OR51B5: variants seen among roughly 807,000 people sequenced by gnomAD.
OR51B5 encodes the protein olfactory receptor 51B5.
For missense variants in OR51B5, 456 were observed against 374.6 expected, an observed-to-expected ratio of 1.22 and a Z score of -1.79; for synonymous variants, 186 against 144.8, an observed-to-expected ratio of 1.28 and a Z score of -2.04.
intron 1 of OR51B5, chr11:5,505,406 C>T (rs936150180): frequency 6.1e-6 from 8 of 1,304,084 alleles, no homozygotes; most frequent in Non-Finnish European, 8.1e-6. Context: ...TCCCCTAGCA[C>T]CACCATAAAC....
At chr11:5,398,141 T>C (rs1294086151) in intron 1 of OR51B5, among the ~76,000 whole-genome samples, 1 of 152,162 alleles carries the variant, frequency 6.6e-6, no homozygotes, top group Non-Finnish European at 1.5e-5. Flanking sequence ...ACATGGCACA[T>C]GTATACATAT....
intron 1 of OR51B5, among the ~76,000 whole-genome samples, chr11:5,436,183 G>A (rs1163824856): frequency 6.6e-6 from 1 of 152,166 alleles, no homozygotes; most frequent in Non-Finnish European, 1.5e-5. Context: ...TTTGACCAGA[G>A]GAGACTGCAG....
At chr11:5,425,885 T>C (rs889036723) in intron 1 of OR51B5, among the ~76,000 whole-genome samples, 9 of 152,096 alleles carry the variant, frequency 5.9e-5, no homozygotes, top group African/African-American at 2.2e-4. Flanking sequence ...AGGGACAAAT[T>C]TTCAACCAAA....
rs1348815748 is a variant in OR51B5 at position 5,416,942 on chromosome 11, G to C, written n.85-70032C>G. On this transcript the variant is annotated intron_variant and non_coding_transcript_variant, in intron 1 of 4. Coordinates refer to the OR51B5 transcript ENST00000415970. The stretch of plus-strand genomic sequence containing the variant: ...GAAAAAACTACTTTAAAGTTCATAT[G>C]GAACCAAAAAAGAGCCCGCATCGCC... Among the ~76,000 whole-genome samples the C allele has an allele frequency of 1.9e-4, 28 of 149,134 alleles. No homozygotes were observed. In the Admixed American group the frequency reaches 1.9e-3, roughly 10 times the overall value.
chr11:5,468,838 A>G (rs1851178806), intron 1 of OR51B5: 1 of 442,650 alleles, frequency 2.3e-6, no homozygotes, highest in Admixed American at 2.4e-5. Flanking sequence ...TGTTGATGGT[A>G]GTGTCTCCAC....
At chr11:5,432,268 A>G (rs1210160069) in intron 1 of OR51B5, among the ~76,000 whole-genome samples, 1 of 152,184 alleles carries the variant, frequency 6.6e-6, no homozygotes, top group Non-Finnish European at 1.5e-5. Context: ...AGGAACATGC[A>G]ATATTTCAGA....
At chr11:5,441,862 A>G (rs558407682) in intron 1 of OR51B5, among the ~76,000 whole-genome samples, 1 of 152,328 alleles carries the variant, frequency 6.6e-6, no homozygotes, top group Admixed American at 6.5e-5. Flanking sequence ...TCTTTGGTAG[A>G]TAGCATAGAT....
chr11:5,503,980 C>G lies in OR51B5; in HGVS notation n.84+1589G>C, dbSNP rs1846334924. Among the ~76,000 whole-genome samples, 3 of 151,762 alleles carry G rather than the reference C, an allele frequency of 2.0e-5. 1 individual carries two copies. In the South Asian group the frequency reaches 6.2e-4, roughly 31 times the overall value. ...CCCCTCTTCATTTGCCTCAGCTGCCCTCATCCATAAACTAGGGATACTACT... is the reference window on the plus strand; with the variant it reads ...CCCCTCTTCATTTGCCTCAGCTGCCGTCATCCATAAACTAGGGATACTACT... On this transcript the variant is annotated intron_variant and non_coding_transcript_variant, in intron 1 of 4. Transcript: ENST00000415970.
chr11:5,369,259 A>G (rs1849416782), intron 1 of OR51B5, among the ~76,000 whole-genome samples: 1 of 152,126 alleles, frequency 6.6e-6, no homozygotes, highest in South Asian at 2.1e-4. Context: ...ATAGAAGAAG[A>G]TATGTATGCC....
intron 1 of OR51B5, among the ~76,000 whole-genome samples, chr11:5,497,062 A>G (rs71459876): frequency 0.99 from 149,847 of 151,728 alleles, 74,025 homozygotes; most frequent in East Asian, 1. Flanking sequence ...AAAAAAAAAA[A>G]AAAGAGAGAG....
intron 1 of OR51B5, chr11:5,440,543 AG>A: frequency 6.5e-7 from 1 of 1,547,238 alleles, no homozygotes; most frequent in Non-Finnish European, 8.9e-7. Flanking sequence ...CTTCCTCCAA[AG>A]GAGCTTTTGG....
At chr11:5,443,782 T>G (rs1195440386) in intron 1 of OR51B5, among the ~76,000 whole-genome samples, 1 of 152,016 alleles carries the variant, frequency 6.6e-6, no homozygotes, top group African/African-American at 2.4e-5. Context: ...GGAGTGTCCA[T>G]GAAAACTTCC....
At chr11:5,410,898 G>T (rs1353875283) in intron 1 of OR51B5, among the ~76,000 whole-genome samples, 1 of 151,766 alleles carries the variant, frequency 6.6e-6, no homozygotes, top group African/African-American at 2.4e-5. Flanking sequence ...AGGATGTAAA[G>T]AAAAAAATAT....
At chr11:5,464,238 A>G (rs1564821961) in intron 1 of OR51B5, among the ~76,000 whole-genome samples, 1 of 152,244 alleles carries the variant, frequency 6.6e-6, no homozygotes, top group Non-Finnish European at 1.5e-5. Context: ...TGAACACAAA[A>G]TGCATTGGGT....
At chr11:5,424,357 A>C (rs1197639311) in intron 1 of OR51B5, among the ~76,000 whole-genome samples, 1 of 149,502 alleles carries the variant, frequency 6.7e-6, no homozygotes, top group Non-Finnish European at 1.5e-5. Context: ...AACAAACAAA[A>C]AACAAACAAA....
rs114311496 is a variant in OR51B5, at chr11:5,469,706, G to T, written n.84+35863C>A. 7.5e-3 allele frequency among the ~76,000 whole-genome samples: 1,146 copies of T among 152,214 alleles called. 19 individuals carry two copies. Among genetic ancestry groups the T allele is most frequent in the African/African-American group, 0.026 (1,092 of 41,520 alleles). On this transcript the variant is annotated intron_variant and non_coding_transcript_variant, in intron 1 of 4. Coordinates refer to the OR51B5 transcript ENST00000415970. ...CCTTTATTTTTCTTGTGTCTATATA[G>T]TTTTTTACATTGGTTGACGTCTTTC...
At chr11:5,399,102 G>A (rs945528697) in intron 1 of OR51B5, among the ~76,000 whole-genome samples, 17 of 152,082 alleles carry the variant, frequency 1.1e-4, no homozygotes, top group African/African-American at 4.1e-4. Context: ...GGTGGCAGAT[G>A]GAAAACAAAA....
chr11:5,439,192 C>A (rs773796991), intron 1 of OR51B5, among the ~76,000 whole-genome samples: 21 of 151,900 alleles, frequency 1.4e-4, no homozygotes, highest in South Asian at 6.2e-4. Flanking sequence ...AGTAGTTTGG[C>A]ATGACAGGAG....
intron 1 of OR51B5, among the ~76,000 whole-genome samples, chr11:5,405,013 A>G (rs1850038202): frequency 6.6e-6 from 1 of 152,174 alleles, no homozygotes; most frequent in Non-Finnish European, 1.5e-5. Context: ...CACCAAGACC[A>G]AGAACCCACC....
Sources: allele counts gnomAD v4.1 joint callset (sites outside exome capture counted in the v4.1 genomes callset), GRCh38; gene constraint gnomAD v4.1.1; transcripts MANE v1.5; gene names NCBI Gene and HGNC (gene_info 2026-07-23, HGNC 2026-07-21).